Variants in KIF17 observed in about 807,000 individuals in gnomAD.
The protein encoded by KIF17 is kinesin-like protein KIF17.
KIF17 carries 80 observed loss-of-function variants against 96.8 expected under a neutral mutation model. The observed-to-expected ratio is 0.83, with a 90% CI of 0.69 to 1.00. KIF17 has a LOEUF of 1.00. KIF17 is among the 50% of genes least tolerant of loss of function. The pLI is 0.00. For synonymous variants in KIF17, 567 were observed against 587.5 expected, an observed-to-expected ratio of 0.97 and a Z score of 0.51; for missense variants, 1,280 against 1,372.9, an observed-to-expected ratio of 0.93 and a Z score of 1.07.
chr1:20,713,428 C>G (rs1229491900), intron 3 of KIF17, 26 bp downstream of exon 3: 1 of 1,570,960 alleles, frequency 6.4e-7, no homozygotes, highest in South Asian at 1.1e-5. Context: ...ACCAGCCCCA[C>G]CTGCCCACAA....
Position 20,682,899 on chromosome 1 carries a change from G to A in KIF17, c.2232-15C>T. 2 of 1,604,310 alleles carry A rather than the reference G, an allele frequency of 1.2e-6. No homozygotes were observed. Among genetic ancestry groups the A allele is most frequent in the Non-Finnish European group, 8.5e-7 (1 of 1,176,942 alleles). On this transcript the variant is annotated splice_polypyrimidine_tract_variant and intron_variant, in intron 10 of 14. Coordinates refer to ENST00000400463, the MANE Select transcript of KIF17 (RefSeq NM_001122819.3). ...ACAGCTGCAGACTGCCGGCGTGGAG[G>A]AGAAAGCAAACAAGACAATATCTGC...
At chr1:20,683,760 C>T (rs1360771944) in intron 10 of KIF17, among the ~76,000 whole-genome samples, 1 of 152,240 alleles carries the variant, frequency 6.6e-6, no homozygotes, top group African/African-American at 2.4e-5. Context: ...CCCCTGCACC[C>T]CACTCTGCGG....
intron 2 of KIF17, among the ~76,000 whole-genome samples, chr1:20,714,585 C>T (rs2054543980): frequency 6.6e-6 from 1 of 152,026 alleles, no homozygotes; most frequent in South Asian, 2.1e-4. Context: ...TCACCTGAGA[C>T]CAGGAGTTCA....
chr1:20,687,168 T>C lies in KIF17; in HGVS notation c.1938+220A>G, dbSNP rs1485757645. Among the ~76,000 whole-genome samples the C allele has an allele frequency of 6.6e-6, 1 of 152,210 alleles. No homozygotes were observed. Among genetic ancestry groups the C allele is most frequent in the Non-Finnish European group, 1.5e-5 (1 of 68,034 alleles). On this transcript the variant is annotated intron_variant, in intron 8 of 14. Coordinates refer to ENST00000400463, the MANE Select transcript of KIF17 (RefSeq NM_001122819.3). This position sits in a 1 kb window ranked among gnomAD's most constrained non-coding sequence, Gnocchi z 4.4. ...TTGCATCGCGACCCCAACTTTCTTA[T>C]TGAATTACAGAGCATGAGACAGAGC...
At chr1:20,710,665 T>C (rs1202716473) in intron 3 of KIF17, among the ~76,000 whole-genome samples, 3 of 152,132 alleles carry the variant, frequency 2.0e-5, no homozygotes, top group African/African-American at 4.8e-5. Flanking sequence ...TCAGCTGCTT[T>C]GCTCCCAGCA....
rs141369367 is a variant in KIF17 at position 20,672,055 on chromosome 1, G to T, written c.2605C>A (p.Arg869Ser). ...QLLEQVQPLI[R>S]RDCNYSNLEK... ...AGGTTGCTGTAGTTACAGTCCCTGC[G>T]AATCAGGGGCTGCACCTGCTCCAGG... is the stretch of plus-strand genomic sequence containing the variant. Residue 869 changes from arginine (R) to serine (S), a missense_variant, in exon 12 of 15, where the codon CGC becomes AGC. Arg to Ser is a moderately radical substitution (Grantham distance 110). Coordinates refer to ENST00000400463, the MANE Select transcript of KIF17 (RefSeq NM_001122819.3). This position sits in a 1 kb window ranked among gnomAD's most constrained non-coding sequence, Gnocchi z 4.3. 2 of 1,614,120 alleles carry T rather than the reference G, an allele frequency of 1.2e-6. No individual in the cohort carries two copies. The highest frequency in any genetic ancestry group is 3.3e-5 in the Admixed American group (2 of 60,014).
In KIF17 at chr1:20,682,672, A is replaced by G; in HGVS notation, c.2444T>C (p.Leu815Pro). The change falls in exon 11 of 15, where the codon CTG becomes CCG. Residue 815 changes from leucine (L) to proline (P), a missense_variant. Transcript: ENST00000400463. ...QEEVRAKSKL[L>P]EKMQRKLRAA... ...CCTCACCTTCCTCTGCATCTTCTCCAGCAGCTTGCTCTTGGCCCGCACTTC... is the reference window on the plus strand; with the variant it reads ...CCTCACCTTCCTCTGCATCTTCTCCGGCAGCTTGCTCTTGGCCCGCACTTC... 6.2e-7 allele frequency: 1 copy of G among 1,614,008 alleles called. No individual in the cohort carries two copies. Among genetic ancestry groups the G allele is most frequent in the African/African-American group, 1.3e-5 (1 of 75,026 alleles).
At position 20,700,831 on chromosome 1, in the gene KIF17, T is replaced by C. The variant is rs2054221524; in HGVS notation, c.1124-2343A>G. On this transcript the variant is annotated intron_variant, in intron 5 of 14. Coordinates refer to ENST00000400463, the MANE Select transcript of KIF17 (RefSeq NM_001122819.3). The surrounding 1 kb of genome is among the most constrained non-coding windows in gnomAD (Gnocchi z 4.6). ...ATGTAACTCTCACACCAAGCCAAGA[T>C]TCCCCCTGCCCTGAACAGGCCCAGG... Among the ~76,000 whole-genome samples the C allele has an allele frequency of 6.6e-6, 1 of 152,090 alleles. No individual in the cohort carries two copies. Among genetic ancestry groups the C allele is most frequent in the South Asian group, 2.1e-4 (1 of 4,818 alleles).
At position 20,666,361 on chromosome 1, in the gene KIF17, T is replaced by C. The variant is rs758775000; in HGVS notation, c.2791-30A>G. 3.2e-6 allele frequency: 5 copies of C among 1,548,206 alleles called. No homozygotes were observed. In the African/African-American group the frequency reaches 6.8e-5, roughly 21 times the overall value. The stretch of plus-strand genomic sequence containing the variant: ...CGAGATGCAGATGCCCGTGGTCACG[T>C]CCCCTTGTTTGTGCCCCTGGCACAG... On this transcript the variant is annotated intron_variant, in intron 13 of 14. Coordinates refer to ENST00000400463, the MANE Select transcript of KIF17 (RefSeq NM_001122819.3).
At chr1:20,677,017 C>G (rs1459881585) in intron 11 of KIF17, among the ~76,000 whole-genome samples, 2 of 151,798 alleles carry the variant, frequency 1.3e-5, no homozygotes, top group Non-Finnish European at 2.9e-5. Context: ...TTGGGACCAG[C>G]CTGCGCAACA....
chr1:20,686,578 T>C (rs2053942927), intron 8 of KIF17, among the ~76,000 whole-genome samples: 1 of 152,048 alleles, frequency 6.6e-6, no homozygotes, highest in Non-Finnish European at 1.5e-5. Flanking sequence ...TTCTTTGAGA[T>C]GGAGTCTCGC....
chr1:20,700,989 C>T lies in KIF17; in HGVS notation c.1124-2501G>A, dbSNP rs370559434. ...AGGAAGCCCAGTAAAGGCTGTGGCCCGGGCCCCCACTCCCTTCTCCCTCCA... is the reference window on the plus strand; with the variant it reads ...AGGAAGCCCAGTAAAGGCTGTGGCCTGGGCCCCCACTCCCTTCTCCCTCCA... On this transcript the variant is annotated intron_variant, in intron 5 of 14. Coordinates refer to ENST00000400463, the MANE Select transcript of KIF17 (RefSeq NM_001122819.3). The surrounding 1 kb of genome is among the most constrained non-coding windows in gnomAD (Gnocchi z 4.6). Among the ~76,000 whole-genome samples the T allele has an allele frequency of 9.2e-5, 14 of 152,278 alleles. No individual in the cohort carries two copies. The highest frequency in any genetic ancestry group is 3.1e-4 in the African/African-American group (13 of 41,560).
chr1:20,704,303 G>A lies in KIF17; in HGVS notation c.1123+144C>T. 1.4e-6 allele frequency: 1 copy of A among 737,542 alleles called. No homozygotes were observed. The highest frequency in any genetic ancestry group is 2.4e-6 in the Non-Finnish European group (1 of 422,038). 45.7% of individuals were successfully genotyped at this position (737,542 alleles called of 1,614,324 possible). ...ACCATCTGGGCCGTCTCCAACCAGG[G>A]CCCTGCGCTCACATGGGGCTGAGGG... On this transcript the variant is annotated intron_variant, in intron 5 of 14. Coordinates refer to ENST00000400463, the MANE Select transcript of KIF17 (RefSeq NM_001122819.3). This position sits in a 1 kb window ranked among gnomAD's most constrained non-coding sequence, Gnocchi z 6.8.
intron 6 of KIF17, among the ~76,000 whole-genome samples, chr1:20,692,548 T>C (rs770687809): frequency 6.6e-6 from 1 of 151,128 alleles, no homozygotes; most frequent in Non-Finnish European, 1.5e-5. Context: ...GGGTTTCGCC[T>C]TGTCGGTCTT....
downstream of KIF17, among the ~76,000 whole-genome samples, chr1:20,662,384 G>A (rs1203365347): frequency 1.3e-5 from 2 of 152,122 alleles, no homozygotes; most frequent in South Asian, 2.1e-4. Context: ...CAATGGTGAC[G>A]GCAACTGTAG....
chr1:20,706,168 C>T (rs142861061), intron 4 of KIF17, among the ~76,000 whole-genome samples: 7 of 151,308 alleles, frequency 4.6e-5, no homozygotes, highest in East Asian at 2.0e-4. Flanking sequence ...GGCCTCCCAA[C>T]GTGCTGGGAT....
At position 20,700,215 on chromosome 1, in the gene KIF17, T is replaced by C. The variant is rs1310158808; in HGVS notation, c.1124-1727A>G. Among the ~76,000 whole-genome samples the C allele has an allele frequency of 6.6e-6, 1 of 152,060 alleles. No homozygotes were observed. The highest frequency in any genetic ancestry group is 1.5e-5 in the Non-Finnish European group (1 of 68,002). ...CCTCCCGAGTAGCTGCGACTACAGG[T>C]GTGCGCCACTACGCCTGGCTAATAT... On this transcript the variant is annotated intron_variant, in intron 5 of 14. Coordinates refer to ENST00000400463, the MANE Select transcript of KIF17 (RefSeq NM_001122819.3). This position sits in a 1 kb window ranked among gnomAD's most constrained non-coding sequence, Gnocchi z 4.6.
chr1:20,706,715 G>A (rs550684032), intron 4 of KIF17, among the ~76,000 whole-genome samples: 7 of 144,320 alleles, frequency 4.9e-5, no homozygotes, highest in South Asian at 4.7e-4. Flanking sequence ...GCAAAACCCC[G>A]TCTCTACAAA....
In KIF17 at chr1:20,686,061, G is replaced by A. The variant is rs771591340; in HGVS notation, c.2004C>T (p.Asp668=). 11 of 1,558,016 alleles carry A rather than the reference G, an allele frequency of 7.1e-6. No individual in the cohort carries two copies. Among genetic ancestry groups the A allele is most frequent in the African/African-American group, 1.4e-5 (1 of 73,400 alleles). Residue 668 remains aspartate (D), a synonymous_variant, in exon 9 of 15, where the codon GAC becomes GAT. Transcript: ENST00000400463. Reference sequence around the variant, plus strand: ...AGGTACTCACAGGCCTGGGCGGGAAGTCATCAGCCGCCTCGGCTTCGGGCC... The same window carrying A: ...AGGTACTCACAGGCCTGGGCGGGAAATCATCAGCCGCCTCGGCTTCGGGCC... ...DARPEAEAAD[D]FPPRPEVDLA... is the part of the protein sequence containing the mutation.
Sources: allele counts gnomAD v4.1 joint callset (sites outside exome capture counted in the v4.1 genomes callset), GRCh38; gene constraint gnomAD v4.1.1; non-coding constraint Gnocchi (gnomAD v3.1); transcripts MANE v1.5; gene names NCBI Gene and HGNC (gene_info 2026-07-23, HGNC 2026-07-21).